Variants in IGFBP7 observed in about 807,000 individuals in gnomAD.
IGFBP7 encodes insulin like growth factor binding protein 7, also known as insulin-like growth factor-binding protein 7.
IGFBP7 carries 31 observed loss-of-function variants against 29.4 expected under a neutral mutation model. The observed-to-expected ratio is 1.05, with a 90% CI of 0.79 to 1.42. The LOEUF (loss-of-function observed/expected upper bound fraction) is 1.42, where lower values mean the gene tolerates loss of function less well. Among genes scored for constraint, IGFBP7 ranks in the 40% most tolerant of loss-of-function variants. The pLI is 0.00. For synonymous variants in IGFBP7, 172 were observed against 174.9 expected (o/e 0.98, Z 0.13); for missense variants, 393 against 395.5 (o/e 0.99, Z 0.05).
chr4:57,041,681 G>A (rs1013943597), intron 1 of IGFBP7, among the ~76,000 whole-genome samples: 6 of 152,054 alleles, frequency 3.9e-5, no homozygotes, highest in Non-Finnish European at 7.4e-5. Flanking sequence ...GACTATAGGC[G>A]TGCACCACCA....
intron 1 of IGFBP7, among the ~76,000 whole-genome samples, chr4:57,047,310 C>T (rs982185518): frequency 1.3e-5 from 2 of 152,184 alleles, no homozygotes; most frequent in African/African-American, 4.8e-5. Context: ...TGACTTTGCT[C>T]CTCCTTCGCC....
At chr4:57,089,116 C>A (rs1289352218) in intron 1 of IGFBP7, among the ~76,000 whole-genome samples, 1 of 151,466 alleles carries the variant, frequency 6.6e-6, no homozygotes, top group Admixed American at 6.6e-5. Flanking sequence ...GGATTTGAAC[C>A]CCACCCTCTC....
Position 57,030,891 on chromosome 4 carries a change from C to G in IGFBP7, c.*426G>C. The G allele has an allele frequency of 6.3e-7, 1 of 1,577,862 alleles. No individual in the cohort carries two copies. The highest frequency in any genetic ancestry group is 8.7e-7 in the Non-Finnish European group (1 of 1,147,230). ...TTCTGCTAATTACCATTTGTTTTTT[C>G]TTTTCAGATTTCTTTGGTGCGAATG... is the stretch of plus-strand genomic sequence containing the variant. On this transcript the variant is annotated 3_prime_UTR_variant, in exon 5 of 5. Coordinates refer to ENST00000295666, the MANE Select transcript of IGFBP7 (RefSeq NM_001553.3).
intron 1 of IGFBP7, among the ~76,000 whole-genome samples, chr4:57,059,562 A>C (rs78448575): frequency 0.013 from 1,934 of 152,224 alleles, 26 homozygotes; most frequent in Middle Eastern, 0.041. Context: ...TCATGAACGC[A>C]AAGAGGGGAA....
chr4:57,088,167 G>A (rs1281048176), intron 1 of IGFBP7, among the ~76,000 whole-genome samples: 2 of 151,936 alleles, frequency 1.3e-5, no homozygotes, highest in Admixed American at 6.6e-5. Context: ...GTGGAGACAG[G>A]GTCTCACTAT....
chr4:57,042,203 T>C (rs1414312718), intron 1 of IGFBP7, among the ~76,000 whole-genome samples: 2 of 152,130 alleles, frequency 1.3e-5, no homozygotes, highest in Non-Finnish European at 2.9e-5. Context: ...ACACAAACCA[T>C]GTGTATCCTT....
intron 4 of IGFBP7, 27 bp from the exon 5 acceptor site, chr4:57,031,363 A>G: frequency 6.4e-7 from 1 of 1,563,656 alleles, no homozygotes; most frequent in East Asian, 2.2e-5. Flanking sequence ...AAAGATAAAA[A>G]TTAGTTACAT....
At chr4:57,073,007 C>A in intron 1 of IGFBP7, 1 of 1,007,384 alleles carries the variant, frequency 9.9e-7, no homozygotes, top group South Asian at 1.3e-5. Context: ...CCACAGCCTT[C>A]GAGGCAAACC....
intron 1 of IGFBP7, among the ~76,000 whole-genome samples, chr4:57,095,817 G>A (rs957552888): frequency 1.3e-5 from 2 of 152,164 alleles, no homozygotes; most frequent in African/African-American, 4.8e-5. Flanking sequence ...GGACCAATAA[G>A]CTGAGCAGAG....
chr4:57,099,538 T>A (rs921258415), intron 1 of IGFBP7, among the ~76,000 whole-genome samples: 1 of 152,174 alleles, frequency 6.6e-6, no homozygotes, highest in Non-Finnish European at 1.5e-5. Context: ...CTTGAGCATG[T>A]TGACAGTTAC....
intron 2 of IGFBP7, among the ~76,000 whole-genome samples, chr4:57,034,697 T>G (rs1442508604): frequency 1.3e-5 from 2 of 152,192 alleles, no homozygotes; most frequent in East Asian, 3.8e-4. Context: ...CACTGTATTT[T>G]CTCAGCTTTA....
Position 57,073,098 on chromosome 4 carries a change from C to T in IGFBP7, c.476-32165G>A, listed in dbSNP as rs560052134. On this transcript the variant is annotated intron_variant, in intron 1 of 4. Transcript: ENST00000295666. ...GCTTTTAAGAAGCACCTGCAAGAAA[C>T]CTACTTAAAGCAGGTCACCAGCCAG... The T allele has an allele frequency of 4.3e-5, 68 of 1,590,150 alleles. No individual in the cohort carries two copies. The African/African-American group carries it at 8.1e-4, about 19-fold the overall frequency.
chr4:57,052,687 G>T (rs1051419577), intron 1 of IGFBP7, among the ~76,000 whole-genome samples: 1 of 152,098 alleles, frequency 6.6e-6, no homozygotes, highest in Non-Finnish European at 1.5e-5. Flanking sequence ...TCTAAGAGCA[G>T]ACCATTCAAT....
At chr4:57,105,622 T>C (rs752178878) in intron 1 of IGFBP7, among the ~76,000 whole-genome samples, 5 of 152,204 alleles carry the variant, frequency 3.3e-5, no homozygotes, top group Non-Finnish European at 7.3e-5. Context: ...AGGAAAACCC[T>C]GGGCAGACAG....
chr4:57,030,841 G>T lies in IGFBP7; in HGVS notation c.*476C>A. ...CAGATCTTTGTCTTTTTCTGGGGTAGAGAAGTGGGGTCACTTCAATACAAT... is the reference window on the plus strand; with the variant it reads ...CAGATCTTTGTCTTTTTCTGGGGTATAGAAGTGGGGTCACTTCAATACAAT... On this transcript the variant is annotated 3_prime_UTR_variant, in exon 5 of 5. Coordinates refer to ENST00000295666, the MANE Select transcript of IGFBP7 (RefSeq NM_001553.3). 1.1e-6 allele frequency: 1 copy of T among 939,226 alleles called. No individual in the cohort carries two copies. Among genetic ancestry groups the T allele is most frequent in the South Asian group, 1.3e-5 (1 of 76,568 alleles). The allele number at this position is 939,226 out of a possible 1,614,324, so 58.2% of individuals were successfully genotyped here. A position where few individuals can be genotyped will look rare whatever the true frequency, so the allele number is the denominator to read the frequency against.
At position 57,090,499 on chromosome 4, in the gene IGFBP7, A is replaced by T. The variant is rs147116051; in HGVS notation, c.475+19378T>A. Among the ~76,000 whole-genome samples the T allele has an allele frequency of 8.3e-4, 127 of 152,304 alleles. 1 individual carries two copies. Among genetic ancestry groups the T allele is most frequent in the Non-Finnish European group, 1.6e-3 (111 of 68,020 alleles). On this transcript the variant is annotated intron_variant, in intron 1 of 4. Transcript: ENST00000295666. Reference sequence around the variant, plus strand: ...ACTGAACAGTTAATTTGTTCCTCACAAAGTTCTTAATGCTCTTCAGTGATA... The same window carrying T: ...ACTGAACAGTTAATTTGTTCCTCACTAAGTTCTTAATGCTCTTCAGTGATA...
At chr4:57,047,337 A>G (rs549528185) in intron 1 of IGFBP7, among the ~76,000 whole-genome samples, 1 of 152,296 alleles carries the variant, frequency 6.6e-6, no homozygotes, top group South Asian at 2.1e-4. Flanking sequence ...CATGATTGTG[A>G]GGCCTCCCCA....
chr4:57,090,035 T>A (rs1725595757), intron 1 of IGFBP7, among the ~76,000 whole-genome samples: 1 of 152,294 alleles, frequency 6.6e-6, no homozygotes, highest in Admixed American at 6.5e-5. Flanking sequence ...CCAGAAACCA[T>A]CTACACCTAA....
chr4:57,104,017 C>A (rs1725964203), intron 1 of IGFBP7, among the ~76,000 whole-genome samples: 1 of 151,864 alleles, frequency 6.6e-6, no homozygotes, highest in African/African-American at 2.4e-5. Context: ...CTCCTCCCAA[C>A]CCCATCTCTG....
Sources: allele counts gnomAD v4.1 joint callset (sites outside exome capture counted in the v4.1 genomes callset), GRCh38; gene constraint gnomAD v4.1.1; transcripts MANE v1.5; gene names NCBI Gene and HGNC (gene_info 2026-07-23, HGNC 2026-07-21).